Variants in ALK observed in about 807,000 individuals in gnomAD.
ALK encodes the protein ALK receptor tyrosine kinase.
In ALK, 74 loss-of-function variants were observed where a neutral mutation model predicts 163.1. The observed-to-expected ratio is 0.45, with a 90% CI of 0.38 to 0.55. ALK has a LOEUF of 0.55. ALK is among the 20% of genes least tolerant of loss of function. ALK has a pLI of 0.00. For synonymous variants in ALK, 960 were observed against 843.2 expected (o/e 1.14, Z -2.40); for missense variants, 2,063 against 2,105.3 (o/e 0.98, Z 0.39).
At chr2:29,310,285 A>T (rs1666661092) in intron 8 of ALK, among the ~76,000 whole-genome samples, 1 of 152,222 alleles carries the variant, frequency 6.6e-6, no homozygotes, top group Non-Finnish European at 1.5e-5. Context: ...TTTCTGTATC[A>T]ATAAATGGGG....
In ALK at chr2:29,250,598, C is replaced by T. The variant is rs78675108; in HGVS notation, c.2204+507G>A. Among the ~76,000 whole-genome samples the T allele has an allele frequency of 6.4e-3, 968 of 152,236 alleles. 11 individuals carry two copies. The highest frequency in any genetic ancestry group is 0.022 in the African/African-American group (917 of 41,512). ...CAAGTGGAGCTGGATCTCGTTCCAG[C>T]CTGGCTCTGCTCTAAGGGAATACTG... On this transcript the variant is annotated intron_variant, in intron 12 of 28. Coordinates refer to ENST00000389048, the MANE Select transcript of ALK (RefSeq NM_004304.5).
chr2:29,900,217 T>C (rs147969867), intron 1 of ALK, among the ~76,000 whole-genome samples: 1 of 152,328 alleles, frequency 6.6e-6, no homozygotes, highest in African/African-American at 2.4e-5. Flanking sequence ...TATCATTAAA[T>C]AGATCTCAGG....
intron 3 of ALK, among the ~76,000 whole-genome samples, chr2:29,604,704 A>C (rs949004823): frequency 1.3e-5 from 2 of 152,240 alleles, no homozygotes; most frequent in Non-Finnish European, 2.9e-5. Flanking sequence ...TATAAAATGC[A>C]ACAACCCTAG....
chr2:29,868,741 C>T lies in ALK; in HGVS notation c.667+51252G>A, dbSNP rs138072127. ...AAATGTCTCCCATCCCACACGTTTTCCTTGTAATGGGACTTTGACATTCCT... is the reference window on the plus strand; with the variant it reads ...AAATGTCTCCCATCCCACACGTTTTTCTTGTAATGGGACTTTGACATTCCT... On this transcript the variant is annotated intron_variant, in intron 1 of 28. Transcript: ENST00000389048. 7.2e-5 allele frequency among the ~76,000 whole-genome samples: 11 copies of T among 152,332 alleles called. No individual in the cohort carries two copies. The East Asian group carries it at 2.1e-3, about 29-fold the overall frequency.
intron 4 of ALK, among the ~76,000 whole-genome samples, chr2:29,474,074 C>A (rs1268665136): frequency 1.3e-5 from 2 of 152,088 alleles, no homozygotes; most frequent in African/African-American, 4.8e-5. Context: ...AAGTAAACAT[C>A]CAAAAGAAAT....
chr2:29,354,538 C>T (rs767971597), intron 5 of ALK, among the ~76,000 whole-genome samples: 1 of 151,830 alleles, frequency 6.6e-6, no homozygotes, highest in Admixed American at 6.6e-5. Context: ...GCCATGGCAT[C>T]GTGCACCGGA....
In ALK at chr2:29,695,489, G is replaced by A. The variant is rs371051104; in HGVS notation, c.788-475C>T. Among the ~76,000 whole-genome samples the A allele has an allele frequency of 7.7e-4, 117 of 152,250 alleles. 1 individual carries two copies. Among genetic ancestry groups the A allele is most frequent in the South Asian group, 5.0e-3 (24 of 4,818 alleles). On this transcript the variant is annotated intron_variant, in intron 2 of 28. Coordinates refer to ENST00000389048, the MANE Select transcript of ALK (RefSeq NM_004304.5). Reference sequence around the variant, plus strand: ...CTGATAATTACCACTCAAGTTTGCCGTAAGAACTGGTGGTAAAACATACTG... The same window carrying A: ...CTGATAATTACCACTCAAGTTTGCCATAAGAACTGGTGGTAAAACATACTG...
chr2:29,755,816 C>CA (rs1176737116), intron 1 of ALK, among the ~76,000 whole-genome samples: 7 of 152,144 alleles, frequency 4.6e-5, no homozygotes, highest in Admixed American at 1.3e-4. Flanking sequence ...CAGGGAGTGG[C>CA]AAAAAAGAGT....
intron 1 of ALK, among the ~76,000 whole-genome samples, chr2:29,824,903 G>A (rs994992922): frequency 6.6e-6 from 1 of 152,208 alleles, no homozygotes; most frequent in Non-Finnish European, 1.5e-5. Context: ...GAGGCCAGAA[G>A]TGGAATGATA....
At chr2:29,330,390 C>T (rs1349906825) in intron 5 of ALK, among the ~76,000 whole-genome samples, 1 of 152,178 alleles carries the variant, frequency 6.6e-6, no homozygotes, top group Non-Finnish European at 1.5e-5. Flanking sequence ...TCACACCTTC[C>T]TCCCCACCTC....
chr2:29,848,029 T>A (rs1317258674), intron 1 of ALK, among the ~76,000 whole-genome samples: 1 of 151,972 alleles, frequency 6.6e-6, no homozygotes, highest in Non-Finnish European at 1.5e-5. Context: ...AATCCCCCCA[T>A]AAGTGGCAGG....
At chr2:29,586,782 G>A (rs1015803362) in intron 3 of ALK, among the ~76,000 whole-genome samples, 6 of 152,148 alleles carry the variant, frequency 3.9e-5, no homozygotes, top group Non-Finnish European at 7.3e-5. Context: ...TCCAGGAACA[G>A]GACTCAAATT....
intron 3 of ALK, among the ~76,000 whole-genome samples, chr2:29,582,775 C>T (rs879937500): frequency 4.6e-5 from 7 of 151,576 alleles, no homozygotes; most frequent in African/African-American, 1.2e-4. Flanking sequence ...GAGACAGAGA[C>T]GGAACCAGAG....
rs1573079264 is a variant in ALK, at chr2:29,193,889, C to G, written c.4198G>C (p.Glu1400Gln). 6.2e-7 allele frequency: 1 copy of G among 1,614,184 alleles called. No homozygotes were observed. The highest frequency in any genetic ancestry group is 8.5e-7 in the Non-Finnish European group (1 of 1,180,030). Reference protein sequence around the residue: ...PDVINTALPIEYGPLVEEEEK... With the variant: ...PDVINTALPIQYGPLVEEEEK... ...TCCTCTTCCACAAGTGGACCATATT[C>G]TATCGGCAAAGCGGTGTTGATTACA... Residue 1400 changes from glutamate to glutamine, a missense_variant, in exon 29 of 29, where the codon GAA (glutamate) becomes CAA (glutamine). By Grantham distance (29) the Glu-to-Gln change is conservative. Coordinates refer to ENST00000389048, the MANE Select transcript of ALK (RefSeq NM_004304.5).
chr2:29,370,469 T>C (rs1381691388), intron 5 of ALK, among the ~76,000 whole-genome samples: 1 of 152,182 alleles, frequency 6.6e-6, no homozygotes, highest in Non-Finnish European at 1.5e-5. Flanking sequence ...CCCGTCCCTG[T>C]AGCAAGGAGG....
chr2:29,327,769 A>C (rs1464866236), intron 6 of ALK, among the ~76,000 whole-genome samples: 1 of 152,218 alleles, frequency 6.6e-6, no homozygotes, highest in African/African-American at 2.4e-5. Context: ...GGATGGATCC[A>C]CTGGATTGTG....
Position 29,296,957 on chromosome 2 carries a change from T to A in ALK, c.1748A>T (p.His583Leu). 3 of 1,614,222 alleles carry A rather than the reference T, an allele frequency of 1.9e-6. No individual in the cohort carries two copies. The highest frequency in any genetic ancestry group is 2.5e-6 in the Non-Finnish European group (3 of 1,180,034). Reference sequence around the variant, plus strand: ...GCTCAAGCCTTCATAGGCGGCGACATGCCAGACCATCCTGCCTTGCTCCTT... The same window carrying A: ...GCTCAAGCCTTCATAGGCGGCGACAAGCCAGACCATCCTGCCTTGCTCCTT... ...TGKEQGRMVW[H>L]VAAYEGLSLW... The change falls in exon 9 of 29, where the codon CAT (histidine) becomes CTT (leucine). Residue 583 changes from histidine to leucine, a missense_variant. Physicochemically the swap from His to Leu is moderately conservative, Grantham distance 99 (BLOSUM62 -3). This residue lies in a region of ALK where 987 missense variants were observed against 939.5 expected (regional missense o/e 1.05). Transcript: ENST00000389048.
At chr2:29,750,234 T>C (rs193033469) in intron 1 of ALK, among the ~76,000 whole-genome samples, 1 of 152,340 alleles carries the variant, frequency 6.6e-6, no homozygotes, top group African/African-American at 2.4e-5. Flanking sequence ...GGTAGCCTAC[T>C]ATATGCCTAG....
At chr2:29,237,263 C>A (rs984970214) in intron 13 of ALK, among the ~76,000 whole-genome samples, 4 of 152,172 alleles carry the variant, frequency 2.6e-5, no homozygotes, top group Non-Finnish European at 4.4e-5. Flanking sequence ...TGTCTTGACC[C>A]TTCCCTTGTG....
Sources: gnomAD v4.1 joint callset for allele counts (sites outside exome capture counted in the v4.1 genomes callset) on GRCh38, gnomAD v4.1.1 for gene constraint, gnomAD v4.1.1 regional missense constraint, MANE v1.5 for transcripts, NCBI Gene and HGNC (gene_info 2026-07-23, HGNC 2026-07-21) for gene names.